The following MSANTD7 variants were observed in gnomAD, a reference collection of about 807,000 sequenced individuals.
MSANTD7 encodes the protein Myb/SANT DNA binding domain containing 7.
the MSANTD7 span, chr10:14,846,055 C>T: frequency 1.0e-6 from 1 of 973,078 alleles, no homozygotes; most frequent in African/African-American, 1.8e-5. Context: ...TTTAAGGTAG[C>T]ATTCTGTGGT....
At chr10:14,843,628 C>T in the MSANTD7 span, 784 of 1,550,320 alleles carry the variant, frequency 5.1e-4, 1 homozygote, top group Non-Finnish European at 6.6e-4. Context: ...GCGAAGAAGG[C>T]GGTCAGTGGC....
chr10:14,846,987 T>C, the MSANTD7 span: 5 of 985,484 alleles, frequency 5.1e-6, no homozygotes, highest in Non-Finnish European at 6.0e-6. Context: ...AATAAAGTTT[T>C]CACTTGTATG....
the MSANTD7 span, chr10:14,844,210 A>G: frequency 4.4e-6 from 5 of 1,135,302 alleles, no homozygotes; most frequent in Admixed American, 2.2e-4. Flanking sequence ...TAAAATGGGG[A>G]TCAATAATAA....
At chr10:14,844,675 A>G in the MSANTD7 span, 4 of 977,208 alleles carry the variant, frequency 4.1e-6, no homozygotes, top group Non-Finnish European at 3.6e-6. Flanking sequence ...GTTACGGTTT[A>G]TATCGATAAT....
At chr10:14,838,668 G>A in the MSANTD7 span, 1 of 526,114 alleles carries the variant, frequency 1.9e-6, no homozygotes, top group Non-Finnish European at 3.3e-6. Context: ...CGCGGCGGAG[G>A]CTCGCGGCGA....
the MSANTD7 span, chr10:14,842,279 C>T: frequency 3.9e-6 from 6 of 1,534,832 alleles, no homozygotes; most frequent in Non-Finnish European, 5.2e-6. This position sits in a 1 kb window ranked among gnomAD's most constrained non-coding sequence, Gnocchi z 5.2. Context: ...TCCTTTCCAA[C>T]CCACAATGGC....
chr10:14,845,269 T>C, the MSANTD7 span: 6 of 985,298 alleles, frequency 6.1e-6, no homozygotes, highest in Non-Finnish European at 7.2e-6. Context: ...TAGGAATCTT[T>C]AGGATTTAAA....
At chr10:14,839,467 A>T in the MSANTD7 span, among the ~76,000 whole-genome samples, 1 of 151,726 alleles carries the variant, frequency 6.6e-6, no homozygotes, top group African/African-American at 2.4e-5. Flanking sequence ...CAGGAGGCTG[A>T]GGCATGAGAA....
At chr10:14,838,862 C>T in the MSANTD7 span, among the ~76,000 whole-genome samples, 1 of 152,062 alleles carries the variant, frequency 6.6e-6, no homozygotes, top group South Asian at 2.1e-4. Context: ...GTCCTGGCCT[C>T]TGGATGCCGG....
chr10:14,839,026 C>A, the MSANTD7 span, among the ~76,000 whole-genome samples: 3 of 152,094 alleles, frequency 2.0e-5, no homozygotes, highest in Non-Finnish European at 2.9e-5. Context: ...CCCGGAGGGG[C>A]GGGGAGGCTG....
chr10:14,838,348 A>G, the MSANTD7 span: 2 of 1,532,054 alleles, frequency 1.3e-6, no homozygotes, highest in East Asian at 2.4e-5. Context: ...GGCGGCCGGT[A>G]GCTGTTGCTG....
the MSANTD7 span, chr10:14,840,227 AAAG>A: frequency 6.4e-6 from 5 of 780,944 alleles, no homozygotes; most frequent in South Asian, 3.1e-5. Context: ...CATAATGTGA[AAAG>A]AAATTAGAAA....
chr10:14,839,989 C>T, the MSANTD7 span: 8 of 1,601,628 alleles, frequency 5.0e-6, no homozygotes, highest in South Asian at 8.9e-5. Flanking sequence ...TGAAGAGGTA[C>T]TAGTCCCCCC....
the MSANTD7 span, chr10:14,838,410 C>T: frequency 2.5e-6 from 4 of 1,604,846 alleles, no homozygotes; most frequent in Admixed American, 1.7e-5. Flanking sequence ...CTCATGGCGG[C>T]CATCGGAGTT....
the MSANTD7 span, chr10:14,843,822 A>G: frequency 6.5e-7 from 1 of 1,536,426 alleles, no homozygotes; most frequent in Non-Finnish European, 8.7e-7. Context: ...CAGCAGTGGA[A>G]GAGGCAACTG....
the MSANTD7 span, chr10:14,842,652 A>C: frequency 1.3e-6 from 2 of 1,536,250 alleles, no homozygotes; most frequent in East Asian, 4.9e-5. The surrounding 1 kb of genome is among the most constrained non-coding windows in gnomAD (Gnocchi z 5.2). Flanking sequence ...CACTGTGATC[A>C]GAACTTAGTG....
At chr10:14,838,356 C>T in the MSANTD7 span, 4 of 1,557,466 alleles carry the variant, frequency 2.6e-6, no homozygotes, top group African/African-American at 1.3e-5. Flanking sequence ...GTAGCTGTTG[C>T]TGTTGGGGGA....
At chr10:14,842,582 C>A in the MSANTD7 span, 1 of 1,536,160 alleles carries the variant, frequency 6.5e-7, no homozygotes, top group Non-Finnish European at 8.7e-7. This position sits in a 1 kb window ranked among gnomAD's most constrained non-coding sequence, Gnocchi z 5.2. Flanking sequence ...GGATCAGCTT[C>A]TCCGAAATCA....
chr10:14,842,903 T>A, the MSANTD7 span: 1 of 1,208,554 alleles, frequency 8.3e-7, no homozygotes, highest in Non-Finnish European at 1.1e-6. This position sits in a 1 kb window ranked among gnomAD's most constrained non-coding sequence, Gnocchi z 5.2. Context: ...TCTAAACATT[T>A]AGCTGTGTCT....
Sources: gnomAD v4.1 joint callset for allele counts (sites outside exome capture counted in the v4.1 genomes callset) on GRCh38, gnomAD v4.1.1 for gene constraint, Gnocchi (gnomAD v3.1) non-coding constraint, MANE v1.5 for transcripts, NCBI Gene and HGNC (gene_info 2026-07-23, HGNC 2026-07-21) for gene names.